UCHL3: variants seen among roughly 807,000 people sequenced by gnomAD.
UCHL3 encodes ubiquitin carboxyl-terminal hydrolase isozyme L3.
Under a neutral mutation model 35.8 loss-of-function variants are expected in UCHL3, and 22 were observed. The observed-to-expected ratio is 0.61, with a 90% CI of 0.44 to 0.88. UCHL3 has a LOEUF of 0.88. UCHL3 is among the 40% of genes least tolerant of loss of function. UCHL3 has a pLI of 0.00. For synonymous variants in UCHL3, 90 were observed against 92.8 expected (o/e 0.97, Z 0.17); for missense variants, 229 against 276.9 (o/e 0.83, Z 1.23).
intron 7 of UCHL3, among the ~76,000 whole-genome samples, chr13:75,597,751 T>A (rs748985284): frequency 1.3e-5 from 2 of 152,162 alleles, no homozygotes; most frequent in Non-Finnish European, 2.9e-5. Flanking sequence ...TGACTGTAAC[T>A]TTATTTTTAA....
At chr13:75,588,312 A>G (rs566758721) in intron 6 of UCHL3, among the ~76,000 whole-genome samples, 1 of 152,098 alleles carries the variant, frequency 6.6e-6, no homozygotes. Flanking sequence ...TTTCTCCACT[A>G]TTTATTAGTC....
intron 2 of UCHL3, among the ~76,000 whole-genome samples, chr13:75,555,718 G>C (rs1440749702): frequency 6.6e-6 from 1 of 151,976 alleles, no homozygotes; most frequent in Non-Finnish European, 1.5e-5. Context: ...TGAAACCATA[G>C]AGTAAATCTA....
intron 2 of UCHL3, among the ~76,000 whole-genome samples, chr13:75,556,992 G>C (rs752342447): frequency 1.6e-4 from 24 of 152,312 alleles, no homozygotes; most frequent in Non-Finnish European, 5.9e-5. Context: ...CGGGGCCAGA[G>C]GATTGCTTGA....
At chr13:75,557,909 T>C (rs2031345715) in intron 2 of UCHL3, among the ~76,000 whole-genome samples, 1 of 152,088 alleles carries the variant, frequency 6.6e-6, no homozygotes, top group Admixed American at 6.6e-5. Context: ...CATATGATCA[T>C]TTCAAACACA....
chr13:75,552,829 A>T (rs773211155), intron 2 of UCHL3, among the ~76,000 whole-genome samples: 1 of 152,238 alleles, frequency 6.6e-6, no homozygotes, highest in African/African-American at 2.4e-5. Context: ...GACCGTACTA[A>T]ATCTTCATTG....
chr13:75,574,217 C>CA lies in UCHL3; in HGVS notation c.474+4722dup, dbSNP rs904003779. ...TGGGCAACAGAAGGAGACTCCATCT[C>CA]AAAAAAAAAAAATGTCACTTTTCAG... is the stretch of plus-strand genomic sequence containing the variant. On this transcript the variant is annotated intron_variant, in intron 6 of 8. Coordinates refer to ENST00000377595, the MANE Select transcript of UCHL3 (RefSeq NM_006002.5). Among the ~76,000 whole-genome samples the CA allele has an allele frequency of 5.6e-4, 79 of 140,284 alleles. 1 individual carries two copies. The highest frequency in any genetic ancestry group is 8.2e-4 in the East Asian group (4 of 4,868). The allele number at this position is 140,284 out of a possible 152,430, so 92.0% of individuals were successfully genotyped here. A position where few individuals can be genotyped will look rare whatever the true frequency, so the allele number is the denominator to read the frequency against.
chr13:75,604,309 A>G (rs920469123), intron 7 of UCHL3, among the ~76,000 whole-genome samples: 2 of 152,156 alleles, frequency 1.3e-5, no homozygotes, highest in African/African-American at 4.8e-5. Flanking sequence ...TTATTCCTCT[A>G]TATTACTGCA....
intron 6 of UCHL3, among the ~76,000 whole-genome samples, chr13:75,573,781 C>T (rs1478068564): frequency 6.6e-6 from 1 of 152,182 alleles, no homozygotes; most frequent in Non-Finnish European, 1.5e-5. Flanking sequence ...AAGGTTAGGG[C>T]TTCAACGTAT....
At chr13:75,578,704 GTAAT>G (rs2032097423) in intron 6 of UCHL3, among the ~76,000 whole-genome samples, 1 of 152,144 alleles carries the variant, frequency 6.6e-6, no homozygotes, top group East Asian at 1.9e-4. Flanking sequence ...CATAAAATAT[GTAAT>G]TAATTTACAA....
intron 5 of UCHL3, among the ~76,000 whole-genome samples, chr13:75,568,616 C>G (rs1331306217): frequency 1.3e-5 from 2 of 151,706 alleles, no homozygotes; most frequent in Admixed American, 1.3e-4. Context: ...GCATAGCTTT[C>G]CATTATGTAG....
chr13:75,558,947 A>G (rs1260945995), intron 2 of UCHL3, among the ~76,000 whole-genome samples: 1 of 151,982 alleles, frequency 6.6e-6, no homozygotes, highest in African/African-American at 2.4e-5. Context: ...AAGTAGTTCG[A>G]AGTGCTTTAG....
At chr13:75,565,654 T>C (rs2031659247) in intron 3 of UCHL3, among the ~76,000 whole-genome samples, 1 of 152,186 alleles carries the variant, frequency 6.6e-6, no homozygotes, top group Non-Finnish European at 1.5e-5. Context: ...CATAATGAAA[T>C]TTTACTTATG....
chr13:75,557,374 A>G (rs2031329300), intron 2 of UCHL3, among the ~76,000 whole-genome samples: 1 of 152,220 alleles, frequency 6.6e-6, no homozygotes, highest in Admixed American at 6.5e-5. Context: ...TGGACCATAG[A>G]ATAAAAAGAA....
At chr13:75,590,535 A>AT (rs1555276485) in intron 6 of UCHL3, among the ~76,000 whole-genome samples, 3 of 151,816 alleles carry the variant, frequency 2.0e-5, no homozygotes, top group South Asian at 2.1e-4. Context: ...TATTATTATT[A>AT]TTTTTTTATG....
intron 6 of UCHL3, among the ~76,000 whole-genome samples, chr13:75,575,228 A>G (rs2138515076): frequency 6.6e-6 from 1 of 152,312 alleles, no homozygotes; most frequent in African/African-American, 2.4e-5. Context: ...TTGTTTACCT[A>G]CTTTTCTCCA....
At chr13:75,568,071 T>TAA (rs1238375735) in intron 5 of UCHL3, among the ~76,000 whole-genome samples, 1 of 152,148 alleles carries the variant, frequency 6.6e-6, no homozygotes, top group Non-Finnish European at 1.5e-5. Context: ...GCTATATATA[T>TAA]AATATAGGTT....
intron 8 of UCHL3, chr13:75,605,051 A>G (rs746195304): frequency 5.1e-5 from 19 of 373,084 alleles, no homozygotes; most frequent in Non-Finnish European, 7.6e-5. Context: ...AGGCAAGAAT[A>G]GTATTGAAAG....
intron 6 of UCHL3, among the ~76,000 whole-genome samples, chr13:75,581,430 G>A (rs544465691): frequency 1.5e-4 from 22 of 149,812 alleles, no homozygotes; most frequent in African/African-American, 4.9e-4. Context: ...GCTCCCTGTA[G>A]CCTTGATCTC....
intron 3 of UCHL3, among the ~76,000 whole-genome samples, chr13:75,563,094 G>A (rs933986036): frequency 2.6e-5 from 4 of 152,032 alleles, no homozygotes; most frequent in Non-Finnish European, 5.9e-5. Context: ...CATACTAATA[G>A]CAAAGGAACT....
Sources: gnomAD v4.1 joint callset for allele counts (sites outside exome capture counted in the v4.1 genomes callset) on GRCh38, gnomAD v4.1.1 for gene constraint, MANE v1.5 for transcripts, NCBI Gene and HGNC (gene_info 2026-07-23, HGNC 2026-07-21) for gene names.